C2CD5: variants seen among roughly 807,000 people sequenced by gnomAD.
The protein encoded by C2CD5 is C2 domain-containing protein 5.
C2CD5 carries 109 observed loss-of-function variants against 130.3 expected under a neutral mutation model. That is an observed-to-expected ratio of 0.84 (90% CI 0.72 to 0.98). C2CD5 has a LOEUF of 0.98. Ranked by LOEUF, C2CD5 falls within the 50% of genes least tolerant of loss-of-function variation. The probability of loss-of-function intolerance (pLI) is 0.00; values close to 1 mark genes in which losing one functional copy is unlikely to be tolerated. For missense variants in C2CD5, 996 were observed against 1,261.8 expected (o/e 0.79, Z 3.19); for synonymous variants, 454 against 429.2 (o/e 1.06, Z -0.71).
At chr12:22,484,105 G>A (rs1945120576) in intron 13 of C2CD5, among the ~76,000 whole-genome samples, 1 of 152,118 alleles carries the variant, frequency 6.6e-6, no homozygotes, top group Non-Finnish European at 1.5e-5. Context: ...ATACATAAAG[G>A]TAGGAAAACA....
intron 25 of C2CD5, among the ~76,000 whole-genome samples, chr12:22,454,299 A>G (rs570351638): frequency 4.6e-5 from 7 of 152,270 alleles, no homozygotes; most frequent in African/African-American, 1.7e-4. Flanking sequence ...TTTGCCCATG[A>G]CTAGCTATGA....
At chr12:22,509,820 A>G (rs1948989402) in intron 9 of C2CD5, among the ~76,000 whole-genome samples, 1 of 152,218 alleles carries the variant, frequency 6.6e-6, no homozygotes, top group Non-Finnish European at 1.5e-5. Context: ...TTTATAAGCA[A>G]CAAACTTTAT....
intron 8 of C2CD5, among the ~76,000 whole-genome samples, chr12:22,517,145 A>T (rs984022308): frequency 3.3e-5 from 5 of 151,940 alleles, no homozygotes; most frequent in African/African-American, 4.8e-5. Context: ...TTCTTTTCTA[A>T]CATACATATA....
chr12:22,529,636 A>G (rs1346121143), intron 3 of C2CD5, among the ~76,000 whole-genome samples: 1 of 152,244 alleles, frequency 6.6e-6, no homozygotes, highest in Non-Finnish European at 1.5e-5. Context: ...TTATAAATTA[A>G]GACTTTCTGA....
chr12:22,521,610 C>A (rs1015694238), intron 7 of C2CD5, among the ~76,000 whole-genome samples: 1 of 152,188 alleles, frequency 6.6e-6, no homozygotes, highest in Non-Finnish European at 1.5e-5. Context: ...AACCTGCAAT[C>A]TGACTCTACT....
Position 22,490,170 on chromosome 12 carries a change from A to T in C2CD5, c.1311T>A (p.Asn437Lys). 1 of 1,613,760 alleles carries T rather than the reference A, an allele frequency of 6.2e-7. No individual in the cohort carries two copies. Among genetic ancestry groups the T allele is most frequent in the South Asian group, 1.1e-5 (1 of 91,058 alleles). The change falls in exon 12 of 27, where the codon AAT (asparagine) becomes AAA (lysine). Residue 437 changes from asparagine (N) to lysine (K), a missense_variant. Around this residue, in one of 9 missense-constraint regions of C2CD5, gnomAD observed 590 missense variants for 631.4 expected, o/e 0.93. Transcript: ENST00000446597. ...LSASGTAAVLNPRFLQDGTVE... is the reference protein window; with the variant it reads ...LSASGTAAVLKPRFLQDGTVE... ...CGGTGCCATCCTGCAGAAATCTAGGATTCAGTACAGCCGCTGTGCCAGATG... is the reference window on the plus strand; with the variant it reads ...CGGTGCCATCCTGCAGAAATCTAGGTTTCAGTACAGCCGCTGTGCCAGATG...
intron 2 of C2CD5, among the ~76,000 whole-genome samples, chr12:22,536,927 T>C (rs12302605): frequency 0.039 from 5,903 of 152,306 alleles, 384 homozygotes; most frequent in African/African-American, 0.13. Context: ...ATTACTAATT[T>C]AATTTTCATT....
intron 2 of C2CD5, among the ~76,000 whole-genome samples, chr12:22,541,437 T>A (rs568368777): frequency 6.6e-6 from 1 of 152,324 alleles, no homozygotes; most frequent in South Asian, 2.1e-4. Flanking sequence ...TAGGGTAAAA[T>A]TCAAACTCTT....
intron 8 of C2CD5, chr12:22,515,087 G>A (rs2136906728): frequency 1.0e-6 from 1 of 985,152 alleles, no homozygotes; most frequent in East Asian, 1.1e-4. Context: ...AAGATGAAGG[G>A]AACCACAAGA....
At chr12:22,465,779 T>C (rs1485060909) in intron 22 of C2CD5, among the ~76,000 whole-genome samples, 1 of 152,148 alleles carries the variant, frequency 6.6e-6, no homozygotes, top group Admixed American at 6.5e-5. Flanking sequence ...AAATTTGCTA[T>C]AGCTATCATT....
chr12:22,528,964 C>T (rs1950966609), intron 3 of C2CD5, among the ~76,000 whole-genome samples: 1 of 152,038 alleles, frequency 6.6e-6, no homozygotes, highest in Non-Finnish European at 1.5e-5. Flanking sequence ...ATAATGTGAT[C>T]TAAGGTTTTG....
intron 8 of C2CD5, among the ~76,000 whole-genome samples, chr12:22,516,386 T>C (rs1364970286): frequency 6.6e-6 from 1 of 151,654 alleles, no homozygotes; most frequent in Non-Finnish European, 1.5e-5. Flanking sequence ...TAAATAATTT[T>C]AGGAAAAAAA....
intron 4 of C2CD5, 113 bp downstream of exon 4, chr12:22,527,608 G>C (rs1211303682): frequency 3.3e-6 from 2 of 607,076 alleles, no homozygotes; most frequent in East Asian, 6.5e-5. Flanking sequence ...ATGAGCCACC[G>C]CACCTAGCCT....
chr12:22,544,018 C>T (rs757089450), intron 2 of C2CD5, 43 bp downstream of exon 2: 1 of 1,450,794 alleles, frequency 6.9e-7, no homozygotes, highest in African/African-American at 1.4e-5. Context: ...CTTCACAGGG[C>T]TTGGCGCTCC....
intron 22 of C2CD5, among the ~76,000 whole-genome samples, chr12:22,461,991 T>C (rs1485150535): frequency 6.6e-6 from 1 of 152,194 alleles, no homozygotes; most frequent in Non-Finnish European, 1.5e-5. Flanking sequence ...ACCTCAAATG[T>C]CTGATGACCT....
At chr12:22,481,445 C>T (rs373427219) in intron 14 of C2CD5, among the ~76,000 whole-genome samples, 3 of 152,236 alleles carry the variant, frequency 2.0e-5, no homozygotes, top group East Asian at 1.9e-4. Flanking sequence ...TTTCCATAAA[C>T]GTGGTTCATC....
intron 22 of C2CD5, among the ~76,000 whole-genome samples, chr12:22,469,108 C>T (rs1457952106): frequency 6.6e-6 from 1 of 151,940 alleles, no homozygotes; most frequent in Admixed American, 6.6e-5. Flanking sequence ...CCCACTTTTC[C>T]CCAAAGATTA....
At chr12:22,485,216 G>T (rs1022323544) in intron 12 of C2CD5, among the ~76,000 whole-genome samples, 1 of 152,072 alleles carries the variant, frequency 6.6e-6, no homozygotes, top group Admixed American at 6.6e-5. Flanking sequence ...AAAATGGTTA[G>T]ATGATAATGA....
chr12:22,493,692 T>C (rs1047311821), intron 10 of C2CD5, among the ~76,000 whole-genome samples: 1 of 152,066 alleles, frequency 6.6e-6, no homozygotes, highest in Non-Finnish European at 1.5e-5. Flanking sequence ...CTCACCTCAC[T>C]GAGTGAACAC....
Sources: allele counts gnomAD v4.1 joint callset (sites outside exome capture counted in the v4.1 genomes callset), GRCh38; gene constraint gnomAD v4.1.1; regional missense constraint gnomAD v4.1.1; transcripts MANE v1.5; gene names NCBI Gene and HGNC (gene_info 2026-07-23, HGNC 2026-07-21).